The following WNK2 variants were observed in gnomAD, a reference collection of about 807,000 sequenced individuals.
WNK2 encodes serine/threonine-protein kinase WNK2.
Under a neutral mutation model 192.1 loss-of-function variants are expected in WNK2, and 67 were observed. The observed-to-expected ratio is 0.35, with a 90% CI of 0.29 to 0.43. The LOEUF is 0.43. Among genes scored for constraint, WNK2 ranks in the 20% least tolerant of loss-of-function variants. The pLI is 1.00. For synonymous variants in WNK2, 1,439 were observed against 1,393.9 expected, an observed-to-expected ratio of 1.03 and a Z score of -0.72; for missense variants, 2,698 against 3,089.7, an observed-to-expected ratio of 0.87 and a Z score of 3.01.
intron 2 of WNK2, among the ~76,000 whole-genome samples, chr9:93,216,864 AAAC>A (rs1835837091): frequency 2.0e-5 from 3 of 152,224 alleles, no homozygotes; most frequent in Non-Finnish European, 4.4e-5. Flanking sequence ...AACTAAAAAA[AAAC>A]CAGGTGGAAT....
intron 2 of WNK2, among the ~76,000 whole-genome samples, chr9:93,207,848 A>G (rs1833672164): frequency 6.6e-6 from 1 of 151,936 alleles, no homozygotes; most frequent in African/African-American, 2.4e-5. Context: ...AAAGGAAAAA[A>G]AAGAATTCCT....
chr9:93,257,832 C>T lies in WNK2; in HGVS notation c.2382+693C>T, dbSNP rs1025702482. Among the ~76,000 whole-genome samples, 2 of 152,218 alleles carry T rather than the reference C, an allele frequency of 1.3e-5. No individual in the cohort carries two copies. The highest frequency in any genetic ancestry group is 6.5e-5 in the Admixed American group (1 of 15,284). ...GGTACACTGTCTTTCACTCGAGGGA[C>T]CTGACTGCATGTAACTGGTGCAGAA... is the stretch of plus-strand genomic sequence containing the variant. On this transcript the variant is annotated intron_variant, in intron 11 of 29. Coordinates refer to ENST00000427277, the MANE Select transcript of WNK2 (RefSeq NM_006648.4). The surrounding 1 kb of genome is among the most constrained non-coding windows in gnomAD (Gnocchi z 4.7).
chr9:93,280,760 A>G (rs577827480), intron 19 of WNK2, among the ~76,000 whole-genome samples: 105 of 152,294 alleles, frequency 6.9e-4, no homozygotes, highest in Admixed American at 1.2e-3. Context: ...GTCTACTGGC[A>G]TATGTTGTCT....
intron 23 of WNK2, among the ~76,000 whole-genome samples, chr9:93,295,818 C>T (rs1215069557): frequency 2.0e-5 from 3 of 148,800 alleles, no homozygotes; most frequent in Non-Finnish European, 3.0e-5. Context: ...CACTTTCCTC[C>T]CCTCTCCATC....
Position 93,267,788 on chromosome 9 carries a change from A to G in WNK2, c.3739A>G (p.Ile1247Val), listed in dbSNP as rs745425922. ...CCTGCAGGCCGAGCGGGAAACGTTC[A>G]TCGAGCAGATGAAGGATGTCATGGA... ...FILQAERETF[I>V]EQMKDVMDKA... Residue 1247 changes from isoleucine to valine, a missense_variant, in exon 17 of 30, where the codon ATC becomes GTC. By Grantham distance (29) the Ile-to-Val change is conservative. This residue lies in a region of WNK2 where 1,098 missense variants were observed against 1,101.0 expected (regional missense o/e 1.00). Transcript: ENST00000427277. 5 of 1,610,864 alleles carry G rather than the reference A, an allele frequency of 3.1e-6. No individual in the cohort carries two copies. Among genetic ancestry groups the G allele is most frequent in the Non-Finnish European group, 4.2e-6 (5 of 1,178,708 alleles).
At chr9:93,244,188 G>A (rs1841266384) in intron 7 of WNK2, among the ~76,000 whole-genome samples, 1 of 152,220 alleles carries the variant, frequency 6.6e-6, no homozygotes, top group Admixed American at 6.5e-5. Context: ...CCCGAGGGTG[G>A]GAGAGAATGC....
chr9:93,223,456 G>A (rs1239361556), intron 2 of WNK2, among the ~76,000 whole-genome samples: 1 of 152,222 alleles, frequency 6.6e-6, no homozygotes, highest in Non-Finnish European at 1.5e-5. Context: ...TGCCCTGACT[G>A]GTAATTTTTG....
chr9:93,299,192 G>A lies in WNK2; in HGVS notation c.6046G>A (p.Val2016Ile), dbSNP rs368164098. 2.1e-5 allele frequency: 33 copies of A among 1,604,278 alleles called. No homozygotes were observed. In the African/African-American group the frequency reaches 2.5e-4, roughly 12 times the overall value. ...KAVQTQQPCS[V>I]RASLSSDICS... ...AGTGCAGACCCAGCAGCCCTGCTCC[G>A]TCCGGGCCTCCCTGTCTTCGGACAT... The change falls in exon 25 of 30, where the codon GTC becomes ATC. Residue 2016 changes from valine (V) to isoleucine (I), a missense_variant. Transcript: ENST00000427277.
At chr9:93,232,502 G>C (rs1249613708) in intron 4 of WNK2, among the ~76,000 whole-genome samples, 1 of 152,202 alleles carries the variant, frequency 6.6e-6, no homozygotes, top group Non-Finnish European at 1.5e-5. Flanking sequence ...TTTGGCTTCA[G>C]AAGTGGTAGG....
chr9:93,260,108 G>C (rs1208705447), intron 12 of WNK2, among the ~76,000 whole-genome samples: 1 of 152,228 alleles, frequency 6.6e-6, no homozygotes, highest in East Asian at 1.9e-4. Context: ...GGGTGGTTAT[G>C]GTGGGACCCG....
chr9:93,209,214 C>T (rs1482470482), intron 2 of WNK2, among the ~76,000 whole-genome samples: 2 of 152,096 alleles, frequency 1.3e-5, no homozygotes, highest in African/African-American at 4.8e-5. Context: ...GGCGGCCTCC[C>T]TAGGGTACAG....
intron 28 of WNK2, among the ~76,000 whole-genome samples, chr9:93,309,665 T>A (rs146324866): frequency 6.6e-6 from 1 of 152,374 alleles, no homozygotes; most frequent in Non-Finnish European, 1.5e-5. Context: ...GTACATTTTA[T>A]TAGCCTATTC....
intron 1 of WNK2, 148 bp from the exon 2 acceptor site, chr9:93,184,780 C>G (rs1210096243): frequency 3.1e-5 from 20 of 652,902 alleles, no homozygotes; most frequent in Non-Finnish European, 3.8e-5. Context: ...CCCCCTTTCC[C>G]AGGGCCCCCA....
chr9:93,306,396 G>A (rs1852545794), intron 26 of WNK2, among the ~76,000 whole-genome samples: 1 of 152,178 alleles, frequency 6.6e-6, no homozygotes, highest in African/African-American at 2.4e-5. Context: ...ACTCAGCAGG[G>A]TGTCCTGCCT....
At chr9:93,196,266 T>C (rs774648467) in intron 2 of WNK2, among the ~76,000 whole-genome samples, 8 of 152,168 alleles carry the variant, frequency 5.3e-5, no homozygotes, top group Non-Finnish European at 1.2e-4. Context: ...TTCTGGGCAC[T>C]GTGCGTGCTT....
At chr9:93,244,644 G>A (rs1050022255) in intron 7 of WNK2, among the ~76,000 whole-genome samples, 1 of 152,124 alleles carries the variant, frequency 6.6e-6, no homozygotes, top group Non-Finnish European at 1.5e-5. Flanking sequence ...GTGGGGCCAC[G>A]CCCTGGATAT....
At chr9:93,246,861 C>T (rs927820796) in intron 7 of WNK2, among the ~76,000 whole-genome samples, 1 of 152,228 alleles carries the variant, frequency 6.6e-6, no homozygotes, top group African/African-American at 2.4e-5. Flanking sequence ...TGTTTGTGGT[C>T]ACTACAACTG....
intron 27 of WNK2, 56 bp from the exon 28 acceptor site, chr9:93,308,271 TG>T: frequency 6.6e-7 from 1 of 1,517,730 alleles, no homozygotes; most frequent in Non-Finnish European, 8.9e-7. Context: ...GCCAGCCCAC[TG>T]GGGGCCTGGG....
intron 8 of WNK2, among the ~76,000 whole-genome samples, chr9:93,252,074 G>A (rs1398972333): frequency 6.6e-6 from 1 of 152,216 alleles, no homozygotes; most frequent in Admixed American, 6.5e-5. Context: ...TAAAGTTTCT[G>A]TAGCTTTTGG....
Sources: gnomAD v4.1 joint callset for allele counts (sites outside exome capture counted in the v4.1 genomes callset) on GRCh38, gnomAD v4.1.1 for gene constraint, gnomAD v4.1.1 regional missense constraint, Gnocchi (gnomAD v3.1) non-coding constraint, MANE v1.5 for transcripts, NCBI Gene and HGNC (gene_info 2026-07-23, HGNC 2026-07-21) for gene names.